Variants in NHSL1 observed in about 807,000 individuals in gnomAD.
The protein encoded by NHSL1 is NHS-like protein 1.
Under a neutral mutation model 95.0 loss-of-function variants are expected in NHSL1, and 48 were observed. The observed-to-expected ratio is 0.51, with a 90% confidence interval of 0.40 to 0.64. NHSL1 has a LOEUF of 0.64. NHSL1 is among the 30% of genes least tolerant of loss of function. The probability of loss-of-function intolerance (pLI) is 0.00; values close to 1 mark genes in which losing one functional copy is unlikely to be tolerated. For synonymous variants in NHSL1, 783 were observed against 833.9 expected (o/e 0.94, Z 1.05); for missense variants, 1,971 against 2,077.7 (o/e 0.95, Z 1.00).
chr6:138,615,092 C>T (rs1304452184), intron 1 of NHSL1, among the ~76,000 whole-genome samples: 1 of 152,136 alleles, frequency 6.6e-6, no homozygotes, highest in African/African-American at 2.4e-5. Flanking sequence ...GAGCCCAGTC[C>T]TCCCCAGGTC....
chr6:138,590,210 C>T (rs1784204812), intron 1 of NHSL1, among the ~76,000 whole-genome samples: 1 of 152,180 alleles, frequency 6.6e-6, no homozygotes, highest in Admixed American at 6.5e-5. Context: ...GTTGGCCAGG[C>T]TGGTCTCAAA....
intron 1 of NHSL1, among the ~76,000 whole-genome samples, chr6:138,497,480 C>A (rs903887236): frequency 6.6e-6 from 1 of 152,170 alleles, no homozygotes; most frequent in African/African-American, 2.4e-5. Flanking sequence ...ATGTCCCCAA[C>A]ATAACATGTA....
At chr6:138,541,494 A>G (rs1304978242) in intron 1 of NHSL1, among the ~76,000 whole-genome samples, 1 of 152,226 alleles carries the variant, frequency 6.6e-6, no homozygotes, top group African/African-American at 2.4e-5. Flanking sequence ...TCAAAAGTAC[A>G]TATTTTAGCA....
At chr6:138,543,235 C>A (rs1280748981) in intron 1 of NHSL1, among the ~76,000 whole-genome samples, 1 of 152,160 alleles carries the variant, frequency 6.6e-6, no homozygotes, top group East Asian at 1.9e-4. Flanking sequence ...CCACAGAGAC[C>A]TTAGCTGAAC....
At chr6:138,484,587 T>G (rs909338770) in intron 2 of NHSL1, among the ~76,000 whole-genome samples, 1 of 152,200 alleles carries the variant, frequency 6.6e-6, no homozygotes, top group Non-Finnish European at 1.5e-5. Flanking sequence ...TTAGAAAGAC[T>G]GGTTTTCCCC....
Position 138,533,170 on chromosome 6 carries a change from T to C in NHSL1, c.16+12453A>G, listed in dbSNP as rs150223805. Among the ~76,000 whole-genome samples the C allele has an allele frequency of 5.3e-3, 801 of 151,942 alleles. 6 individuals carry two copies. Among genetic ancestry groups the C allele is most frequent in the African/African-American group, 0.017 (716 of 41,400 alleles). On this transcript the variant is annotated intron_variant, in intron 1 of 4. Coordinates refer to the NHSL1 transcript ENST00000342260. ...CAAATGTAATGGCAATACAAAGAAA[T>C]AGATACAGGGGAACCCTAGAAAATA...
intron 1 of NHSL1, among the ~76,000 whole-genome samples, chr6:138,618,667 G>A (rs762544613): frequency 1.3e-5 from 2 of 151,988 alleles, no homozygotes; most frequent in Non-Finnish European, 2.9e-5. Flanking sequence ...ACACCATTAT[G>A]GAAGGGAAGA....
intron 1 of NHSL1, among the ~76,000 whole-genome samples, chr6:138,595,685 C>A (rs768649390): frequency 7.2e-5 from 11 of 152,120 alleles, no homozygotes; most frequent in Non-Finnish European, 1.2e-4. Flanking sequence ...TCCCTCTTTC[C>A]TTTCTTGAAT....
At chr6:138,689,724 G>A (rs982779682) in intron 1 of NHSL1, among the ~76,000 whole-genome samples, 1 of 151,990 alleles carries the variant, frequency 6.6e-6, no homozygotes, top group Non-Finnish European at 1.5e-5. Context: ...GGAATTAACG[G>A]TCACAGTTAT....
At chr6:138,593,750 T>A (rs1034125319) in intron 1 of NHSL1, among the ~76,000 whole-genome samples, 1 of 152,232 alleles carries the variant, frequency 6.6e-6, no homozygotes, top group Admixed American at 6.5e-5. Context: ...TCAAAGATTA[T>A]AGTATTTAGC....
Position 138,424,548 on chromosome 6 carries a change from A to C in NHSL1, c.4354T>G (p.Ser1452Ala). 6.4e-7 allele frequency: 1 copy of C among 1,551,124 alleles called. No homozygotes were observed. Among genetic ancestry groups the C allele is most frequent in the Non-Finnish European group, 8.7e-7 (1 of 1,146,842 alleles). ...GCATCTGGGGAAGGCTCTGACCTCG[A>C]CCTCTGGAATCTAGGGTCTGTGTTC... ...LKNTDPRFQR[S>A]RSEPSPDAPE... The change falls in exon 8 of 8, where the codon TCG becomes GCG. Residue 1452 changes from serine to alanine, a missense_variant. This residue lies in a region of NHSL1 where 146 missense variants were observed against 206.3 expected (regional missense o/e 0.71). Transcript: ENST00000343505. The surrounding 1 kb of genome is among the most constrained non-coding windows in gnomAD (Gnocchi z 5.9).
chr6:138,633,577 C>A (rs1376951399), intron 1 of NHSL1, among the ~76,000 whole-genome samples: 1 of 152,150 alleles, frequency 6.6e-6, no homozygotes, highest in Non-Finnish European at 1.5e-5. Context: ...GAATAGTATA[C>A]CTGGTGAAAT....
intron 3 of NHSL1, among the ~76,000 whole-genome samples, chr6:138,466,716 C>T (rs1778404870): frequency 6.6e-6 from 1 of 152,120 alleles, no homozygotes; most frequent in Admixed American, 6.5e-5. Context: ...CAGCACAACG[C>T]ATTACTCTTG....
chr6:138,429,689 C>A (rs1422076639), intron 7 of NHSL1, 22 bp downstream of exon 7: 1 of 1,538,894 alleles, frequency 6.5e-7, no homozygotes, highest in Non-Finnish European at 8.8e-7. Flanking sequence ...AGATTAAAGT[C>A]AGAGGAAGGA....
chr6:138,623,838 G>A (rs1358306057), intron 1 of NHSL1, among the ~76,000 whole-genome samples: 1 of 152,162 alleles, frequency 6.6e-6, no homozygotes, highest in Non-Finnish European at 1.5e-5. Flanking sequence ...GATCATGGGG[G>A]TGGTTTTCCA....
chr6:138,455,492 AG>A (rs879835482), intron 3 of NHSL1, among the ~76,000 whole-genome samples: 13,202 of 97,994 alleles, frequency 0.13, 1,922 homozygotes, highest in African/African-American at 0.32. Flanking sequence ...GCTCCCTGCA[AG>A]GAGCCCCGCC....
chr6:138,657,121 C>A (rs61610193), intron 1 of NHSL1, among the ~76,000 whole-genome samples: 6,185 of 151,928 alleles, frequency 0.041, 317 homozygotes, highest in African/African-American at 0.12. Context: ...AAAAAAAAAA[C>A]CCCTGCATTG....
At chr6:138,665,461 C>T (rs1170971737) in intron 1 of NHSL1, among the ~76,000 whole-genome samples, 9 of 152,192 alleles carry the variant, frequency 5.9e-5, no homozygotes. Context: ...ATAGAGGCCA[C>T]CTACTCTCCA....
At chr6:138,659,046 C>CTTTTTTTTT (rs771033274) in intron 1 of NHSL1, among the ~76,000 whole-genome samples, 1 of 117,824 alleles carries the variant, frequency 8.5e-6, no homozygotes, top group Non-Finnish European at 1.8e-5. Flanking sequence ...TGTGGACTAT[C>CTTTTTTTTT]TTTTTTTTTT....
Sources: gnomAD v4.1 joint callset for allele counts (sites outside exome capture counted in the v4.1 genomes callset) on GRCh38, gnomAD v4.1.1 for gene constraint, gnomAD v4.1.1 regional missense constraint, Gnocchi (gnomAD v3.1) non-coding constraint, MANE v1.5 for transcripts, NCBI Gene and HGNC (gene_info 2026-07-23, HGNC 2026-07-21) for gene names.